Variants in FMO2 observed in about 807,000 individuals in gnomAD.
FMO2 encodes flavin-containing monooxygenase 2.
FMO2 carries 33 observed loss-of-function variants against 41.6 expected under a neutral mutation model. That is an observed-to-expected ratio of 0.79 (90% CI 0.60 to 1.06). The LOEUF (loss-of-function observed/expected upper bound fraction) is 1.06, where lower values mean the gene tolerates loss of function less well. FMO2 is among the 50% of genes least tolerant of loss of function. The probability of loss-of-function intolerance (pLI) is 0.00; values close to 1 mark genes in which losing one functional copy is unlikely to be tolerated. For missense variants in FMO2, 619 were observed against 632.9 expected, an observed-to-expected ratio of 0.98 and a Z score of 0.23; for synonymous variants, 214 against 219.6, an observed-to-expected ratio of 0.97 and a Z score of 0.23.
At chr1:171,204,618 CT>C (rs1464789425) in intron 6 of FMO2, among the ~76,000 whole-genome samples, 3 of 152,072 alleles carry the variant, frequency 2.0e-5, no homozygotes, top group Non-Finnish European at 4.4e-5. Flanking sequence ...GCTTTAGAAT[CT>C]TTTAACAAAT....
In FMO2 at chr1:171,199,338, C is replaced by A; in HGVS notation, c.485-8C>A. 6.3e-7 allele frequency: 1 copy of A among 1,581,576 alleles called. No individual in the cohort carries two copies. Among genetic ancestry groups the A allele is most frequent in the African/African-American group, 1.4e-5 (1 of 73,338 alleles). On this transcript the variant is annotated splice_polypyrimidine_tract_variant and splice_region_variant and intron_variant, in intron 4 of 8. Transcript: ENST00000209929. Reference sequence around the variant, plus strand: ...AGCTCACAGACTTCTCTCTTCTTCCCCCTGAAGGTATGGAGAGGTTCAAAG... The same window carrying A: ...AGCTCACAGACTTCTCTCTTCTTCCACCTGAAGGTATGGAGAGGTTCAAAG...
chr1:171,192,215 A>T (rs1212512941), intron 2 of FMO2, among the ~76,000 whole-genome samples: 1 of 152,160 alleles, frequency 6.6e-6, no homozygotes, highest in Non-Finnish European at 1.5e-5. Context: ...ATGCAATTTG[A>T]AGCCACTGTT....
intron 2 of FMO2, among the ~76,000 whole-genome samples, chr1:171,192,376 A>G (rs1190635066): frequency 6.6e-6 from 1 of 152,134 alleles, no homozygotes; most frequent in Non-Finnish European, 1.5e-5. Flanking sequence ...CTACATTCTA[A>G]CTACCTAGAA....
Position 171,212,339 on chromosome 1 carries a change from T to A in FMO2, c.*3194T>A, listed in dbSNP as rs1486301079. Reference sequence around the variant, plus strand: ...ACACAGCAAGAAGGCCCTCATCAGATGCTGGCCCCTTGGTCTTGAATTTCC... The same window carrying A: ...ACACAGCAAGAAGGCCCTCATCAGAAGCTGGCCCCTTGGTCTTGAATTTCC... On this transcript the variant is annotated 3_prime_UTR_variant, in exon 9 of 9. Transcript: ENST00000209929. Among the ~76,000 whole-genome samples, 1 of 152,198 alleles carries A rather than the reference T, an allele frequency of 6.6e-6. No homozygotes were observed. The highest frequency in any genetic ancestry group is 1.9e-4 in the East Asian group (1 of 5,188).
chr1:171,205,128 T>A (rs1246115635), intron 6 of FMO2, 151 bp from the exon 7 acceptor site: 3 of 539,962 alleles, frequency 5.6e-6, no homozygotes, highest in Non-Finnish European at 9.7e-6. Flanking sequence ...AGTCAGAAAA[T>A]AAGGATTTGC....
At chr1:171,207,927 C>A (rs1571295020) in intron 8 of FMO2, 137 bp downstream of exon 8, 1 of 624,684 alleles carries the variant, frequency 1.6e-6, no homozygotes, top group Non-Finnish European at 2.9e-6. Flanking sequence ...ATCAGAAACT[C>A]CGTGTGTGAG....
chr1:171,187,843 A>C (rs1366871936), intron 2 of FMO2, among the ~76,000 whole-genome samples: 1 of 152,054 alleles, frequency 6.6e-6, no homozygotes, highest in African/African-American at 2.4e-5. Context: ...GGAGAAATTG[A>C]TTCTTCTGTA....
Position 171,212,175 on chromosome 1 carries a change from G to T in FMO2, c.*3030G>T, listed in dbSNP as rs560616687. On this transcript the variant is annotated 3_prime_UTR_variant, in exon 9 of 9. Coordinates refer to ENST00000209929, the MANE Select transcript of FMO2 (RefSeq NM_001460.5). Reference sequence around the variant, plus strand: ...GTATTGGGAGATGGGGCCTAATGAGGTGATTAGGTGAAGTCTCTGCCCTCA... The same window carrying T: ...GTATTGGGAGATGGGGCCTAATGAGTTGATTAGGTGAAGTCTCTGCCCTCA... Among the ~76,000 whole-genome samples, 1 of 152,292 alleles carries T rather than the reference G, an allele frequency of 6.6e-6. No homozygotes were observed. Among genetic ancestry groups the T allele is most frequent in the Non-Finnish European group, 1.5e-5 (1 of 68,026 alleles).
rs1433038864 is a variant in FMO2 at position 171,211,812 on chromosome 1, A to T, written c.*2667A>T. ...TCACAATAACTCAGGGAGCTTATAGAAGTGAAGATTCCTGAATATAAACAT... is the reference window on the plus strand; with the variant it reads ...TCACAATAACTCAGGGAGCTTATAGTAGTGAAGATTCCTGAATATAAACAT... On this transcript the variant is annotated 3_prime_UTR_variant, in exon 9 of 9. Transcript: ENST00000209929. 2.0e-5 allele frequency among the ~76,000 whole-genome samples: 3 copies of T among 152,196 alleles called. No individual in the cohort carries two copies. Among genetic ancestry groups the T allele is most frequent in the Non-Finnish European group, 4.4e-5 (3 of 68,032 alleles).
At chr1:171,199,054 A>C (rs1252043410) in intron 4 of FMO2, among the ~76,000 whole-genome samples, 3 of 151,896 alleles carry the variant, frequency 2.0e-5, no homozygotes, top group Admixed American at 1.3e-4. Context: ...AGGCATGCAC[A>C]ACCATGCCCA....
At position 171,211,003 on chromosome 1, in the gene FMO2, C is replaced by T. The variant is rs1184342898; in HGVS notation, c.*1858C>T. ...ACAGGCAAGATTTTTTTTTTCATTG[C>T]TCCCATAAGCAAATTTGTTTTAAAA... On this transcript the variant is annotated 3_prime_UTR_variant, in exon 9 of 9. Coordinates refer to ENST00000209929, the MANE Select transcript of FMO2 (RefSeq NM_001460.5). 8.6e-5 allele frequency: 13 copies of T among 151,582 alleles called. No homozygotes were observed. The highest frequency in any genetic ancestry group is 3.2e-4 in the African/African-American group (13 of 41,246). The allele number at this position is 151,582 out of a possible 1,614,324, so 9.4% of individuals were successfully genotyped here.
intron 2 of FMO2, among the ~76,000 whole-genome samples, chr1:171,190,399 A>T (rs956890490): frequency 2.6e-5 from 4 of 152,198 alleles, no homozygotes; most frequent in African/African-American, 9.7e-5. Context: ...TCTACACATA[A>T]GGAAATTCAG....
chr1:171,208,726 T>C (rs1012876673), intron 8 of FMO2, 68 bp from the exon 9 acceptor site: 3 of 1,457,996 alleles, frequency 2.1e-6, no homozygotes, highest in Non-Finnish European at 2.8e-6. Context: ...TTAGCAGTTT[T>C]GAATGCCTAA....
At chr1:171,185,664 G>C in intron 1 of FMO2, 44 bp from the exon 2 acceptor site, 2 of 1,604,792 alleles carry the variant, frequency 1.2e-6, no homozygotes, top group East Asian at 2.2e-5. Context: ...TTCTCTTACC[G>C]GTTGTCCCAG....
intron 2 of FMO2, 158 bp downstream of exon 2, chr1:171,186,003 G>A: frequency 3.8e-6 from 3 of 781,820 alleles, no homozygotes; most frequent in Non-Finnish European, 5.9e-6. Context: ...GTCATAGGCT[G>A]GCATCTCTCC....
chr1:171,192,210 A>G (rs1482794895), intron 2 of FMO2, among the ~76,000 whole-genome samples: 1 of 152,162 alleles, frequency 6.6e-6, no homozygotes, highest in Non-Finnish European at 1.5e-5. Context: ...GTATTATGCA[A>G]TTTGAAGCCA....
chr1:171,204,168 C>T (rs1658658810), intron 6 of FMO2, 104 bp downstream of exon 6: 2 of 784,272 alleles, frequency 2.6e-6, no homozygotes, highest in Non-Finnish European at 4.3e-6. Context: ...GTAGTTAAAA[C>T]TACAATCTAA....
At chr1:171,196,597 C>A in intron 3 of FMO2, 52 bp from the exon 4 acceptor site, 1 of 1,554,454 alleles carries the variant, frequency 6.4e-7, no homozygotes, top group South Asian at 1.2e-5. Context: ...CACACTTGGC[C>A]AATGTTATCC....
At chr1:171,185,991 A>C in intron 2 of FMO2, 146 bp downstream of exon 2, 4 of 886,432 alleles carry the variant, frequency 4.5e-6, no homozygotes, top group Non-Finnish European at 6.8e-6. Context: ...AATGGAACTG[A>C]AGTCATAGGC....
Sources: gnomAD v4.1 joint callset for allele counts (sites outside exome capture counted in the v4.1 genomes callset) on GRCh38, gnomAD v4.1.1 for gene constraint, MANE v1.5 for transcripts, NCBI Gene and HGNC (gene_info 2026-07-23, HGNC 2026-07-21) for gene names.